HS6ST3: variants seen among roughly 807,000 people sequenced by gnomAD.
HS6ST3 encodes heparan-sulfate 6-O-sulfotransferase 3.
In HS6ST3, 12 loss-of-function variants were observed where a neutral mutation model predicts 36.7. The ratio of observed to expected loss-of-function variants is 0.33; its 90% CI spans 0.21 to 0.53. HS6ST3 has a LOEUF of 0.53. Ranked by LOEUF, HS6ST3 falls within the 20% of genes least tolerant of loss-of-function variation. The probability of loss-of-function intolerance (pLI) is 0.95; values close to 1 mark genes in which losing one functional copy is unlikely to be tolerated. For synonymous variants in HS6ST3, 240 were observed against 257.5 expected, an observed-to-expected ratio of 0.93 and a Z score of 0.65; for missense variants, 584 against 640.9, an observed-to-expected ratio of 0.91 and a Z score of 0.96.
chr13:96,676,246 C>T (rs748123818), intron 1 of HS6ST3, among the ~76,000 whole-genome samples: 3 of 150,278 alleles, frequency 2.0e-5, no homozygotes, highest in African/African-American at 4.9e-5. Context: ...AGATGGCCAT[C>T]GTTCCCTATA....
intron 1 of HS6ST3, among the ~76,000 whole-genome samples, chr13:96,658,882 AT>A (rs1193715764): frequency 6.6e-6 from 1 of 150,802 alleles, no homozygotes; most frequent in Non-Finnish European, 1.5e-5. Flanking sequence ...ATTTTTTTGT[AT>A]TTTTAGTAGA....
chr13:96,263,392 T>C (rs2054675930), intron 1 of HS6ST3, among the ~76,000 whole-genome samples: 1 of 152,210 alleles, frequency 6.6e-6, no homozygotes, highest in African/African-American at 2.4e-5. Context: ...GTCCGTATTC[T>C]ACAGTTGACT....
chr13:96,252,800 T>C (rs1296194813), intron 1 of HS6ST3, among the ~76,000 whole-genome samples: 1 of 151,972 alleles, frequency 6.6e-6, no homozygotes, highest in African/African-American at 2.4e-5. Flanking sequence ...GATCTGGTTG[T>C]TGTAAAGTGT....
At chr13:96,277,749 A>C (rs961324493) in intron 1 of HS6ST3, among the ~76,000 whole-genome samples, 1 of 152,180 alleles carries the variant, frequency 6.6e-6, no homozygotes, top group Non-Finnish European at 1.5e-5. Flanking sequence ...AAAGGCTGGG[A>C]GAGAACACAG....
At chr13:96,192,882 G>GA (rs922834944) in intron 1 of HS6ST3, among the ~76,000 whole-genome samples, 1 of 152,222 alleles carries the variant, frequency 6.6e-6, no homozygotes. Context: ...GGGAAAAAGT[G>GA]AAAAATGGTG....
chr13:96,747,833 T>G (rs1203036780), intron 1 of HS6ST3, among the ~76,000 whole-genome samples: 1 of 151,894 alleles, frequency 6.6e-6, no homozygotes, highest in South Asian at 2.1e-4. Flanking sequence ...GCTCAAAAAA[T>G]GATGATGCTA....
intron 1 of HS6ST3, among the ~76,000 whole-genome samples, chr13:96,659,686 G>A (rs2056639458): frequency 6.6e-6 from 1 of 151,634 alleles, no homozygotes; most frequent in Non-Finnish European, 1.5e-5. Flanking sequence ...TGAAATAATG[G>A]GGCAATGTTC....
chr13:96,714,581 G>T (rs1566436514), intron 1 of HS6ST3, among the ~76,000 whole-genome samples: 1 of 152,076 alleles, frequency 6.6e-6, no homozygotes, highest in Non-Finnish European at 1.5e-5. Flanking sequence ...AGATTGATTT[G>T]GCATGATATA....
intron 1 of HS6ST3, among the ~76,000 whole-genome samples, chr13:96,803,827 CACTT>C (rs1483231431): frequency 6.6e-6 from 1 of 152,016 alleles, no homozygotes; most frequent in Non-Finnish European, 1.5e-5. Flanking sequence ...CTTAAATAAA[CACTT>C]AGTAATGTGG....
intron 1 of HS6ST3, among the ~76,000 whole-genome samples, chr13:96,556,594 A>G (rs1415507716): frequency 6.6e-6 from 1 of 152,224 alleles, no homozygotes; most frequent in East Asian, 1.9e-4. Context: ...CCCCTTGACC[A>G]TTAAAAAAGA....
intron 1 of HS6ST3, among the ~76,000 whole-genome samples, chr13:96,515,327 A>G (rs768019493): frequency 5.9e-5 from 9 of 152,226 alleles, no homozygotes; most frequent in Non-Finnish European, 1.2e-4. Context: ...TCTAAGTCCA[A>G]ATTGTGGGGA....
chr13:96,817,760 C>G (rs1878451492), intron 1 of HS6ST3, among the ~76,000 whole-genome samples: 1 of 152,234 alleles, frequency 6.6e-6, no homozygotes, highest in East Asian at 1.9e-4. Flanking sequence ...CAGCAGATGT[C>G]AGCAACAGGT....
chr13:96,626,102 A>C (rs1480441677), intron 1 of HS6ST3, among the ~76,000 whole-genome samples: 2 of 152,026 alleles, frequency 1.3e-5, no homozygotes, highest in Non-Finnish European at 2.9e-5. Flanking sequence ...TCCGCCTCCC[A>C]AAGTGCTGGG....
intron 1 of HS6ST3, among the ~76,000 whole-genome samples, chr13:96,626,187 T>C (rs1015288214): frequency 2.6e-5 from 4 of 152,184 alleles, no homozygotes; most frequent in African/African-American, 9.6e-5. Flanking sequence ...TTTGTCAGTA[T>C]TTTCTTTTAT....
chr13:96,316,135 G>C (rs761965990), intron 1 of HS6ST3, among the ~76,000 whole-genome samples: 1 of 152,084 alleles, frequency 6.6e-6, no homozygotes, highest in East Asian at 1.9e-4. Context: ...AGACGTATAA[G>C]GTATAAGATT....
chr13:96,553,611 G>A (rs1736824188), intron 1 of HS6ST3, among the ~76,000 whole-genome samples: 1 of 152,208 alleles, frequency 6.6e-6, no homozygotes, highest in South Asian at 2.1e-4. Context: ...TGGCGTTTAG[G>A]ACAAGGAGAC....
chr13:96,519,562 T>C (rs1458843708), intron 1 of HS6ST3, among the ~76,000 whole-genome samples: 1 of 152,224 alleles, frequency 6.6e-6, no homozygotes, highest in Non-Finnish European at 1.5e-5. Flanking sequence ...GTAGAGTATG[T>C]AAAGATGAGT....
chr13:96,769,008 C>T (rs554717471), intron 1 of HS6ST3, among the ~76,000 whole-genome samples: 1 of 152,242 alleles, frequency 6.6e-6, no homozygotes, highest in East Asian at 1.9e-4. Context: ...TCTGATGTTG[C>T]TGGTCCATGA....
At chr13:96,706,563 C>T (rs1267660841) in intron 1 of HS6ST3, among the ~76,000 whole-genome samples, 2 of 151,218 alleles carry the variant, frequency 1.3e-5, no homozygotes, top group Admixed American at 6.6e-5. Flanking sequence ...TTCTGAAGAC[C>T]GTGGGTCGTT....
Sources: gnomAD v4.1 joint callset for allele counts (sites outside exome capture counted in the v4.1 genomes callset) on GRCh38, gnomAD v4.1.1 for gene constraint, MANE v1.5 for transcripts, NCBI Gene and HGNC (gene_info 2026-07-23, HGNC 2026-07-21) for gene names.